The following ABCC4 variants were observed in gnomAD, a reference collection of about 807,000 sequenced individuals.
The protein encoded by ABCC4 is ATP binding cassette subfamily C member 4 (PEL blood group), also known as ATP-binding cassette sub-family C member 4.
ABCC4 carries 102 observed loss-of-function variants against 168.5 expected under a neutral mutation model. The ratio of observed to expected loss-of-function variants is 0.61; its 90% CI spans 0.52 to 0.71. ABCC4 has a LOEUF of 0.71. Among genes scored for constraint, ABCC4 ranks in the 30% least tolerant of loss-of-function variants. The pLI is 0.00. For missense variants in ABCC4, 1,402 were observed against 1,605.8 expected (o/e 0.87, Z 2.17); for synonymous variants, 617 against 590.7 (o/e 1.04, Z -0.65).
At chr13:95,154,981 T>A (rs2036809162) in intron 19 of ABCC4, among the ~76,000 whole-genome samples, 1 of 152,198 alleles carries the variant, frequency 6.6e-6, no homozygotes, top group African/African-American at 2.4e-5. Flanking sequence ...GATATGGACA[T>A]CAGATTTTAT....
At chr13:95,186,657 T>C (rs1256512357) in intron 11 of ABCC4, 44 bp downstream of exon 11, 2 of 1,561,680 alleles carry the variant, frequency 1.3e-6, no homozygotes, top group Non-Finnish European at 1.7e-6. Flanking sequence ...AACACTAGTA[T>C]TACTGGACAT....
chr13:95,256,219 T>C (rs1415577730), intron 1 of ABCC4, among the ~76,000 whole-genome samples: 4 of 152,182 alleles, frequency 2.6e-5, no homozygotes, highest in Admixed American at 2.0e-4. Flanking sequence ...TGGAGGTGCA[T>C]GCCATCATGC....
rs759389703 is a variant in ABCC4, at chr13:95,074,363, G to A, written c.2807-39C>T. ...CGGTAATAAGCATGATGAATAAGTA[G>A]ATGAATGTGCGAGTGTGTTTTGCTC... On this transcript the variant is annotated intron_variant, in intron 22 of 30. Transcript: ENST00000645237. 2.0e-6 allele frequency: 3 copies of A among 1,505,584 alleles called. No homozygotes were observed. In the South Asian group the frequency reaches 3.5e-5, roughly 18 times the overall value. 93.3% of individuals were successfully genotyped at this position (1,505,584 alleles called of 1,614,324 possible). A position where few individuals can be genotyped will look rare whatever the true frequency, so the allele number is the denominator to read the frequency against.
intron 3 of ABCC4, among the ~76,000 whole-genome samples, chr13:95,238,653 T>G (rs1285103994): frequency 6.6e-6 from 1 of 152,214 alleles, no homozygotes; most frequent in Non-Finnish European, 1.5e-5. Context: ...CCTCCCAGAT[T>G]CAAGCAATTC....
At chr13:95,027,744 T>A (rs1566353952) in intron 30 of ABCC4, among the ~76,000 whole-genome samples, 1 of 151,944 alleles carries the variant, frequency 6.6e-6, no homozygotes, top group Non-Finnish European at 1.5e-5. Context: ...CAAAACAATA[T>A]TCAAAGAAAC....
rs1359646289 is a variant in ABCC4 at position 95,121,421 on chromosome 13, G to GT, written c.2456-5421dup. ...GCTGATAACATTCAAACTTTATGGG[G>GT]TTTTTTTTTGTTTTTTTTTTTTTGA... On this transcript the variant is annotated intron_variant, in intron 19 of 30. Transcript: ENST00000645237. Among the ~76,000 whole-genome samples, 768 of 135,720 alleles carry GT rather than the reference G, an allele frequency of 5.7e-3. 5 individuals are homozygous for GT. Among genetic ancestry groups the GT allele is most frequent in the African/African-American group, 0.019 (678 of 35,228 alleles). The allele number at this position is 135,720 out of a possible 152,430, so 89.0% of individuals were successfully genotyped here.
intron 9 of ABCC4, among the ~76,000 whole-genome samples, chr13:95,189,785 C>A (rs1295374984): frequency 6.6e-6 from 1 of 152,146 alleles, no homozygotes; most frequent in Non-Finnish European, 1.5e-5. Flanking sequence ...AAGTGAAAGT[C>A]TCAGTGTTAC....
At chr13:95,198,604 C>T (rs967917529) in intron 8 of ABCC4, among the ~76,000 whole-genome samples, 3 of 152,210 alleles carry the variant, frequency 2.0e-5, no homozygotes, top group Admixed American at 6.5e-5. Flanking sequence ...AATCCCATTA[C>T]TGGGTATATA....
intron 3 of ABCC4, among the ~76,000 whole-genome samples, chr13:95,242,193 A>C (rs1045343826): frequency 1.3e-5 from 2 of 151,874 alleles, no homozygotes; most frequent in Non-Finnish European, 2.9e-5. Flanking sequence ...AAGCATCTTC[A>C]TTAAATCAAC....
chr13:95,028,690 A>G (rs2031665512), intron 30 of ABCC4, among the ~76,000 whole-genome samples: 1 of 152,214 alleles, frequency 6.6e-6, no homozygotes, highest in South Asian at 2.1e-4. Context: ...AAACCAAAAA[A>G]CAAAGGTAAT....
intron 8 of ABCC4, among the ~76,000 whole-genome samples, chr13:95,203,273 A>G (rs2038682584): frequency 6.6e-6 from 1 of 150,432 alleles, no homozygotes; most frequent in South Asian, 2.1e-4. Context: ...GACTGTTTCT[A>G]TTTCTCCACA....
At chr13:95,112,689 T>A (rs1448587903) in intron 20 of ABCC4, among the ~76,000 whole-genome samples, 1 of 152,216 alleles carries the variant, frequency 6.6e-6, no homozygotes, top group Non-Finnish European at 1.5e-5. Context: ...TCCAGTTTTT[T>A]TAAACTCAAT....
intron 13 of ABCC4, among the ~76,000 whole-genome samples, chr13:95,171,432 C>T (rs758437257): frequency 2.6e-5 from 4 of 151,744 alleles, no homozygotes; most frequent in Non-Finnish European, 5.9e-5. Flanking sequence ...TGGCACACAC[C>T]TGTAGTCCCA....
intron 3 of ABCC4, among the ~76,000 whole-genome samples, chr13:95,244,669 G>GAAAGAAAGAAAGAAATAAAT (rs780621852): frequency 1.5e-5 from 1 of 68,028 alleles, no homozygotes; most frequent in Non-Finnish European, 2.8e-5. Flanking sequence ...AAGAAAGAAA[G>GAAAGAAAGAAAGAAATAAAT]AAATCATAGC....
chr13:95,209,336 A>G, intron 6 of ABCC4, 98 bp downstream of exon 6: 1 of 1,369,644 alleles, frequency 7.3e-7, no homozygotes, highest in Non-Finnish European at 1.0e-6. Context: ...AGGAAGAGAT[A>G]ATAAAAGGCA....
intron 19 of ABCC4, among the ~76,000 whole-genome samples, chr13:95,131,438 G>A (rs986821019): frequency 2.0e-5 from 3 of 152,082 alleles, no homozygotes; most frequent in Admixed American, 1.3e-4. Context: ...GAGCAGCCTG[G>A]CCAACATGGT....
rs1478967607 is a variant in ABCC4 at position 95,021,655 on chromosome 13, T to C, written c.3898A>G (p.Ile1300Val). 1.9e-6 allele frequency: 3 copies of C among 1,610,448 alleles called. No homozygotes were observed. Among genetic ancestry groups the C allele is most frequent in the African/African-American group, 2.7e-5 (2 of 74,788 alleles). The change falls in exon 31 of 31, where the codon ATT (isoleucine) becomes GTT (valine). Residue 1300 changes from isoleucine (I) to valine (V), a missense_variant. Transcript: ENST00000645237. Reference sequence around the variant, plus strand: ...GTAACCATGTGGTCAGTGTGACCAATATGTGGATAATTTCTTTTGAAGTAT... The same window carrying C: ...GTAACCATGTGGTCAGTGTGACCAACATGTGGATAATTTCTTTTGAAGTAT... ...QVYFKRNYPHIGHTDHMVTNT... is the reference protein window; with the variant it reads ...QVYFKRNYPHVGHTDHMVTNT...
intron 4 of ABCC4, among the ~76,000 whole-genome samples, chr13:95,217,813 C>T (rs1361480385): frequency 6.6e-6 from 1 of 152,154 alleles, no homozygotes; most frequent in Non-Finnish European, 1.5e-5. Context: ...AACAATATGG[C>T]TCTTACCCAG....
chr13:95,077,306 T>C (rs1428915164), intron 21 of ABCC4, among the ~76,000 whole-genome samples: 2 of 152,178 alleles, frequency 1.3e-5, no homozygotes, highest in African/African-American at 4.8e-5. Flanking sequence ...TAGTAAAACA[T>C]GGGGTGTCCG....
Sources: gnomAD v4.1 joint callset for allele counts (sites outside exome capture counted in the v4.1 genomes callset) on GRCh38, gnomAD v4.1.1 for gene constraint, MANE v1.5 for transcripts, NCBI Gene and HGNC (gene_info 2026-07-23, HGNC 2026-07-21) for gene names.